MYO3B: variants seen among roughly 807,000 people sequenced by gnomAD.
The protein encoded by MYO3B is myosin IIIB, also known as myosin-IIIb.
MYO3B carries 156 observed loss-of-function variants against 174.6 expected under a neutral mutation model. That is an observed-to-expected ratio of 0.89 (90% confidence interval 0.78 to 1.02). The LOEUF is 1.02. Among genes scored for constraint, MYO3B ranks in the 50% least tolerant of loss-of-function variants. MYO3B has a pLI of 0.00. For synonymous variants in MYO3B, 563 were observed against 569.1 expected, an observed-to-expected ratio of 0.99 and a Z score of 0.15; for missense variants, 1,632 against 1,639.4, an observed-to-expected ratio of 1.00 and a Z score of 0.08.
intron 32 of MYO3B, among the ~76,000 whole-genome samples, chr2:170,615,829 G>A (rs554942827): frequency 6.6e-5 from 10 of 152,150 alleles, no homozygotes; most frequent in African/African-American, 1.2e-4. Flanking sequence ...ATATACCAGC[G>A]TTTATTATTA....
intron 32 of MYO3B, among the ~76,000 whole-genome samples, chr2:170,573,032 T>A (rs1692542098): frequency 6.6e-6 from 1 of 151,994 alleles, no homozygotes; most frequent in African/African-American, 2.4e-5. Flanking sequence ...AGGACTCTGA[T>A]AAAAGGTATA....
chr2:170,386,623 C>T (rs796802036), intron 13 of MYO3B, among the ~76,000 whole-genome samples: 16 of 152,138 alleles, frequency 1.1e-4, no homozygotes, highest in African/African-American at 3.9e-4. Flanking sequence ...AAAATAGAAG[C>T]CTTTGAGCAA....
chr2:170,474,365 A>G (rs1019565350), intron 25 of MYO3B, among the ~76,000 whole-genome samples: 1 of 152,070 alleles, frequency 6.6e-6, no homozygotes, highest in Non-Finnish European at 1.5e-5. Flanking sequence ...GTCAACTGCC[A>G]GGGATGGAGT....
At chr2:170,207,004 T>C (rs748888328) in intron 3 of MYO3B, among the ~76,000 whole-genome samples, 2 of 152,184 alleles carry the variant, frequency 1.3e-5, no homozygotes, top group East Asian at 1.9e-4. Context: ...TGTGAGCAGA[T>C]TGTAGAAAAC....
At chr2:170,371,512 A>G (rs548167080) in intron 9 of MYO3B, among the ~76,000 whole-genome samples, 2 of 152,224 alleles carry the variant, frequency 1.3e-5, no homozygotes, top group East Asian at 3.9e-4. Flanking sequence ...TCCAAAGGAA[A>G]CACAGTGCAC....
intron 30 of MYO3B, among the ~76,000 whole-genome samples, chr2:170,525,793 G>A (rs867583493): frequency 1.3e-5 from 2 of 152,208 alleles, no homozygotes; most frequent in Non-Finnish European, 2.9e-5. Flanking sequence ...AGTCAGCAGG[G>A]CCGACTGTGG....
At chr2:170,369,999 T>A (rs1297306534) in intron 9 of MYO3B, among the ~76,000 whole-genome samples, 1 of 152,210 alleles carries the variant, frequency 6.6e-6, no homozygotes, top group Non-Finnish European at 1.5e-5. Context: ...AGAAGGTAGA[T>A]TTTTATACAA....
At chr2:170,548,245 A>G (rs2106218529) in intron 32 of MYO3B, among the ~76,000 whole-genome samples, 1 of 152,068 alleles carries the variant, frequency 6.6e-6, no homozygotes, top group African/African-American at 2.4e-5. Context: ...TGGAGGAGAG[A>G]ATGTGAATGG....
chr2:170,516,913 C>T (rs1331846323), intron 29 of MYO3B, among the ~76,000 whole-genome samples: 3 of 151,948 alleles, frequency 2.0e-5, no homozygotes, highest in Admixed American at 1.3e-4. Context: ...TTTTTTTTAA[C>T]TCAACCTATT....
intron 1 of MYO3B, among the ~76,000 whole-genome samples, chr2:170,187,276 A>G (rs754903898): frequency 1.3e-5 from 2 of 151,394 alleles, no homozygotes; most frequent in African/African-American, 2.4e-5. Context: ...TCTGTTTCCC[A>G]GCCTGTAGTG....
chr2:170,280,960 C>T (rs2093504326), intron 7 of MYO3B, among the ~76,000 whole-genome samples: 1 of 152,086 alleles, frequency 6.6e-6, no homozygotes. Context: ...GCTATTTGGG[C>T]TCTTTTTTAG....
Position 170,498,702 on chromosome 2 carries a change from A to T in MYO3B, c.3125A>T (p.Lys1042Met). ...RLDHWVLGKT[K>M]VFLKYYHVEQ... ...GATCACTGGGTACTGGGAAAAACAAAGGTAGTTCGTTCTTTATTGTTCAAA... is the reference window on the plus strand; with the variant it reads ...GATCACTGGGTACTGGGAAAAACAATGGTAGTTCGTTCTTTATTGTTCAAA... Residue 1042 changes from lysine (K) to methionine (M), a missense_variant and splice_region_variant, in exon 26 of 35, where the codon AAG becomes ATG. Lys to Met is a moderately conservative substitution (Grantham distance 95, BLOSUM62 -1). Coordinates refer to ENST00000408978, the MANE Select transcript of MYO3B (RefSeq NM_138995.5). The T allele has an allele frequency of 6.4e-7, 1 of 1,573,044 alleles. No homozygotes were observed. The highest frequency in any genetic ancestry group is 8.7e-7 in the Non-Finnish European group (1 of 1,142,940).
chr2:170,562,536 A>G (rs1418441273), intron 32 of MYO3B, among the ~76,000 whole-genome samples: 2 of 152,180 alleles, frequency 1.3e-5, no homozygotes, highest in African/African-American at 4.8e-5. Context: ...GAGATAATGT[A>G]TTTATACTTG....
chr2:170,448,621 C>T (rs1490111220), intron 23 of MYO3B, among the ~76,000 whole-genome samples: 2 of 152,122 alleles, frequency 1.3e-5, no homozygotes, highest in Non-Finnish European at 2.9e-5. Context: ...GAACAACATA[C>T]TATATGGTAA....
chr2:170,446,390 C>T (rs2094842648), intron 23 of MYO3B, among the ~76,000 whole-genome samples: 1 of 152,100 alleles, frequency 6.6e-6, no homozygotes, highest in Non-Finnish European at 1.5e-5. Context: ...CCCTGCCTTC[C>T]ACACCCATAG....
chr2:170,531,209 C>T (rs948397921), intron 30 of MYO3B, among the ~76,000 whole-genome samples: 1 of 152,186 alleles, frequency 6.6e-6, no homozygotes, highest in African/African-American at 2.4e-5. Context: ...GACATGTAGA[C>T]AGTTTCCAAA....
At chr2:170,641,995 T>C (rs1394382211) in intron 32 of MYO3B, among the ~76,000 whole-genome samples, 1 of 152,012 alleles carries the variant, frequency 6.6e-6, no homozygotes, top group Non-Finnish European at 1.5e-5. Flanking sequence ...GGAACTTTGT[T>C]TTTAGAGACT....
chr2:170,432,152 T>G (rs1027315800), intron 22 of MYO3B, among the ~76,000 whole-genome samples: 2 of 151,858 alleles, frequency 1.3e-5, no homozygotes, highest in African/African-American at 4.8e-5. Flanking sequence ...TCCTACTTAT[T>G]TTTTTTTAAG....
At chr2:170,338,805 G>T (rs1003767511) in intron 8 of MYO3B, among the ~76,000 whole-genome samples, 5 of 152,056 alleles carry the variant, frequency 3.3e-5, no homozygotes, top group African/African-American at 1.2e-4. Flanking sequence ...GTTTCACCAT[G>T]TTGGCCAGGT....
Sources: gnomAD v4.1 joint callset for allele counts (sites outside exome capture counted in the v4.1 genomes callset) on GRCh38, gnomAD v4.1.1 for gene constraint, MANE v1.5 for transcripts, NCBI Gene and HGNC (gene_info 2026-07-23, HGNC 2026-07-21) for gene names.